The following DTWD2 variants were observed in gnomAD, a reference collection of about 807,000 sequenced individuals.
The protein encoded by DTWD2 is tRNA-uridine aminocarboxypropyltransferase 2.
In DTWD2, 39 loss-of-function variants were observed where a neutral mutation model predicts 31.8. The observed-to-expected ratio is 1.22, with a 90% CI of 0.95 to 1.60. The LOEUF (loss-of-function observed/expected upper bound fraction) is 1.60. Ranked by LOEUF, DTWD2 falls within the 40% of genes most tolerant of loss-of-function variation. The pLI, the probability that DTWD2 is intolerant of heterozygous loss-of-function variation, is 0.00. For synonymous variants in DTWD2, 180 were observed against 142.8 expected (o/e 1.26, Z -1.86); for missense variants, 515 against 381.5 (o/e 1.35, Z -2.92).
At position 118,935,330 on chromosome 5, in the gene DTWD2, A is replaced by C. The variant is rs74728759; in HGVS notation, c.404+3866T>G. Among the ~76,000 whole-genome samples the C allele has an allele frequency of 1.8e-3, 274 of 152,288 alleles. 7 individuals carry two copies. The East Asian group carries it at 0.046, about 26-fold the overall frequency. On this transcript the variant is annotated intron_variant, in intron 3 of 5. Transcript: ENST00000510708. ...CAAACCAAGAGTTGTGGAAGCCCCA[A>C]CTTGAAGCTGATCAGTCAGAAGTTC...
intron 4 of DTWD2, among the ~76,000 whole-genome samples, chr5:118,859,958 A>G (rs986159846): frequency 6.6e-5 from 10 of 151,958 alleles, no homozygotes. Flanking sequence ...TCTCTACAAA[A>G]AACACAAAAA....
intron 4 of DTWD2, among the ~76,000 whole-genome samples, chr5:118,874,425 G>A (rs1423229785): frequency 6.6e-6 from 1 of 152,110 alleles, no homozygotes; most frequent in Non-Finnish European, 1.5e-5. Flanking sequence ...ATTTACAGAA[G>A]TACATTAAAA....
At chr5:118,861,739 G>A (rs1052795770) in intron 4 of DTWD2, among the ~76,000 whole-genome samples, 3 of 152,060 alleles carry the variant, frequency 2.0e-5, no homozygotes, top group African/African-American at 4.8e-5. Flanking sequence ...TCAGTATAGC[G>A]AAAAGAGCAG....
In DTWD2 at chr5:118,928,833, T is replaced by C. The variant is rs955769872; in HGVS notation, c.405-104A>G. ...TAAAAGTTTCCCTATATGTAGTCAT[T>C]TGTCTAATCAAATATAAGTATTAGT... On this transcript the variant is annotated intron_variant, in intron 3 of 5. Transcript: ENST00000510708. 1.7e-5 allele frequency: 16 copies of C among 941,860 alleles called. No individual in the cohort carries two copies. The African/African-American group carries it at 2.4e-4, about 14-fold the overall frequency. The allele number at this position is 941,860 out of a possible 1,614,324, so 58.3% of individuals were successfully genotyped here.
chr5:118,954,006 C>G (rs1210496056), intron 1 of DTWD2, among the ~76,000 whole-genome samples: 1 of 152,192 alleles, frequency 6.6e-6, no homozygotes, highest in Non-Finnish European at 1.5e-5. Context: ...CATGGTGGCT[C>G]ATGCCTGTAA....
intron 1 of DTWD2, among the ~76,000 whole-genome samples, chr5:118,955,509 A>T (rs1754565655): frequency 6.6e-6 from 1 of 152,224 alleles, no homozygotes; most frequent in Non-Finnish European, 1.5e-5. Flanking sequence ...TAATTTATAA[A>T]TTCAACAAAT....
At chr5:118,895,827 C>CTATTAT (rs1437099288) in intron 4 of DTWD2, among the ~76,000 whole-genome samples, 1 of 152,078 alleles carries the variant, frequency 6.6e-6, no homozygotes, top group Non-Finnish European at 1.5e-5. Flanking sequence ...AAGGATAGAA[C>CTATTAT]TATTATATAT....
intron 4 of DTWD2, among the ~76,000 whole-genome samples, chr5:118,884,930 A>G (rs2149556533): frequency 7.1e-6 from 1 of 141,216 alleles, no homozygotes; most frequent in Admixed American, 7.5e-5. Flanking sequence ...TAGGAGGCGG[A>G]GCTTGCAGTG....
At chr5:118,872,598 CT>C (rs1752530836) in intron 4 of DTWD2, among the ~76,000 whole-genome samples, 1 of 152,160 alleles carries the variant, frequency 6.6e-6, no homozygotes, top group Non-Finnish European at 1.5e-5. Flanking sequence ...TTAAGTTTGC[CT>C]TCTTCTATAG....
chr5:118,866,212 T>A (rs1323252558), intron 4 of DTWD2, among the ~76,000 whole-genome samples: 1 of 152,144 alleles, frequency 6.6e-6, no homozygotes. Context: ...GCCAGAGAAG[T>A]CACTTAAAGT....
chr5:118,865,650 C>T (rs973384825), intron 4 of DTWD2, among the ~76,000 whole-genome samples: 6 of 152,128 alleles, frequency 3.9e-5, no homozygotes, highest in African/African-American at 1.2e-4. Flanking sequence ...GACTATATCT[C>T]AAGGAAAAAT....
At chr5:118,843,605 C>G (rs1390373144) in intron 5 of DTWD2, among the ~76,000 whole-genome samples, 1 of 152,120 alleles carries the variant, frequency 6.6e-6, no homozygotes, top group Non-Finnish European at 1.5e-5. Flanking sequence ...ACATACAGAC[C>G]AAGACAACTG....
At chr5:118,951,869 G>A (rs1228971140) in intron 1 of DTWD2, among the ~76,000 whole-genome samples, 1 of 152,194 alleles carries the variant, frequency 6.6e-6, no homozygotes, top group Admixed American at 6.5e-5. Flanking sequence ...AGACACCTCT[G>A]AAATGTGGCT....
intron 3 of DTWD2, among the ~76,000 whole-genome samples, chr5:118,938,601 C>A (rs1299392462): frequency 6.6e-6 from 1 of 152,040 alleles, no homozygotes; most frequent in Non-Finnish European, 1.5e-5. Flanking sequence ...GTAGTCCCAG[C>A]TGCTCAGGAA....
At chr5:118,974,765 T>A in intron 1 of DTWD2, 1 of 391,528 alleles carries the variant, frequency 2.6e-6, no homozygotes. Flanking sequence ...GAAACAATGT[T>A]GTCCAACAAT....
At chr5:118,967,872 A>G (rs1754889348) in intron 1 of DTWD2, among the ~76,000 whole-genome samples, 1 of 152,218 alleles carries the variant, frequency 6.6e-6, no homozygotes, top group African/African-American at 2.4e-5. Flanking sequence ...CAGAAACAGT[A>G]TATTTGCAAA....
chr5:118,954,081 G>C (rs938720672), intron 1 of DTWD2, among the ~76,000 whole-genome samples: 1 of 152,120 alleles, frequency 6.6e-6, no homozygotes, highest in African/African-American at 2.4e-5. Flanking sequence ...GATCAGCCTA[G>C]GAAACATAGC....
chr5:118,911,521 T>C (rs914994078), intron 4 of DTWD2, among the ~76,000 whole-genome samples: 2 of 152,186 alleles, frequency 1.3e-5, no homozygotes, highest in African/African-American at 4.8e-5. Context: ...TCCAAAGGAA[T>C]TGAAAACGGA....
chr5:118,980,341 G>A (rs1393343384), intron 1 of DTWD2, among the ~76,000 whole-genome samples: 3 of 152,192 alleles, frequency 2.0e-5, no homozygotes, highest in African/African-American at 7.2e-5. Context: ...TGGAGTGGGA[G>A]GGGACAACAA....
Sources: allele counts gnomAD v4.1 joint callset (sites outside exome capture counted in the v4.1 genomes callset), GRCh38; gene constraint gnomAD v4.1.1; transcripts MANE v1.5; gene names NCBI Gene and HGNC (gene_info 2026-07-23, HGNC 2026-07-21).